Variants in LARGE1 observed in about 807,000 individuals in gnomAD.
LARGE1 encodes LARGE xylosyl- and glucuronyltransferase 1.
In LARGE1, 43 loss-of-function variants were observed where a neutral mutation model predicts 87.6. The observed-to-expected ratio is 0.49, with a 90% CI of 0.38 to 0.63. The LOEUF is 0.63. LARGE1 is among the 30% of genes least tolerant of loss of function. LARGE1 has a pLI of 0.00. For missense variants in LARGE1, 802 were observed against 1,000.2 expected (o/e 0.80, Z 2.67); for synonymous variants, 434 against 394.6 (o/e 1.10, Z -1.18).
exon 12 of LARGE1, chr22:33,166,395 A>G (rs140842922): frequency 1.8e-4 from 39 of 212,674 alleles, no homozygotes; most frequent in African/African-American, 8.4e-4. Context: ...CAATCTTACC[A>G]CAGGGATGTT....
chr22:33,697,713 GTCTT>G (rs776727449), intron 2 of LARGE1, among the ~76,000 whole-genome samples: 1 of 152,186 alleles, frequency 6.6e-6, no homozygotes, highest in Non-Finnish European at 1.5e-5. Context: ...GCGCTGCAGA[GTCTT>G]TCTCTCAACA....
intron 5 of LARGE1, among the ~76,000 whole-genome samples, chr22:33,603,097 G>A (rs1363425132): frequency 6.6e-6 from 1 of 151,884 alleles, no homozygotes; most frequent in African/African-American, 2.4e-5. Flanking sequence ...ATTGGGAATG[G>A]CACGCAAATT....
chr22:33,432,594 T>TGCA (rs1406680648), intron 6 of LARGE1, among the ~76,000 whole-genome samples: 43 of 142,782 alleles, frequency 3.0e-4, no homozygotes, highest in South Asian at 1.1e-3. Flanking sequence ...CATTCATTCA[T>TGCA]TCATGCATGC....
chr22:33,522,213 C>T (rs2071640624), intron 6 of LARGE1, among the ~76,000 whole-genome samples: 1 of 152,208 alleles, frequency 6.6e-6, no homozygotes, highest in African/African-American at 2.4e-5. Flanking sequence ...AGCTGCTGAG[C>T]TACTTGCCAG....
intron 1 of LARGE1, among the ~76,000 whole-genome samples, chr22:33,820,056 C>T (rs906020859): frequency 2.6e-5 from 4 of 152,158 alleles, no homozygotes; most frequent in African/African-American, 4.8e-5. Context: ...GACACCTCCC[C>T]TGCTTTCACT....
chr22:33,465,742 T>C (rs2068580922), intron 6 of LARGE1, among the ~76,000 whole-genome samples: 1 of 152,220 alleles, frequency 6.6e-6, no homozygotes, highest in Non-Finnish European at 1.5e-5. Context: ...GCACTGCTGA[T>C]GTGCCAAGAA....
chr22:33,210,086 C>T (rs1433150773), intron 11 of LARGE1, among the ~76,000 whole-genome samples: 1 of 152,210 alleles, frequency 6.6e-6, no homozygotes, highest in Non-Finnish European at 1.5e-5. Flanking sequence ...TTTTTTAAAG[C>T]TTTCCTGGTA....
rs117903023 is a variant in LARGE1, at chr22:33,611,978, A to C, written c.492-7420T>G. 1.6e-3 allele frequency among the ~76,000 whole-genome samples: 239 copies of C among 152,168 alleles called. 4 individuals carry two copies. In the East Asian group the frequency reaches 0.037, roughly 24 times the overall value. ...TGCCTGCTCCTTTTTTGCCCTTCTG[A>C]CATAAGTAAATGCTCCCTGAGGCCT... On this transcript the variant is annotated intron_variant, in intron 4 of 14. Coordinates refer to ENST00000397394, the MANE Select transcript of LARGE1 (RefSeq NM_133642.5).
chr22:33,846,990 T>G (rs937938765), intron 1 of LARGE1, among the ~76,000 whole-genome samples: 1 of 152,232 alleles, frequency 6.6e-6, no homozygotes, highest in Non-Finnish European at 1.5e-5. Context: ...AAGTACTTCA[T>G]GTCTGTGACC....
intron 11 of LARGE1, among the ~76,000 whole-genome samples, chr22:33,226,557 C>A (rs1309806997): frequency 6.6e-6 from 1 of 152,184 alleles, no homozygotes; most frequent in African/African-American, 2.4e-5. Context: ...CACTTATCTA[C>A]CCAGACAAGA....
chr22:33,237,897 G>A (rs1183110362), intron 11 of LARGE1, among the ~76,000 whole-genome samples: 7 of 152,226 alleles, frequency 4.6e-5, no homozygotes, highest in East Asian at 1.9e-4. Flanking sequence ...CATAACGCAC[G>A]GGAGTACAGT....
At chr22:33,247,649 T>C (rs902446633) in intron 11 of LARGE1, among the ~76,000 whole-genome samples, 8 of 152,248 alleles carry the variant, frequency 5.3e-5, no homozygotes, top group African/African-American at 1.7e-4. Context: ...CAGTGATAAA[T>C]CTATTCTTTT....
At chr22:33,869,446 G>C (rs2064209587) in intron 1 of LARGE1, among the ~76,000 whole-genome samples, 1 of 152,218 alleles carries the variant, frequency 6.6e-6, no homozygotes, top group African/African-American at 2.4e-5. Context: ...CAACCCAGGG[G>C]TCTGAAAAAT....
At chr22:33,654,675 T>A (rs2080911871) in intron 2 of LARGE1, among the ~76,000 whole-genome samples, 1 of 152,222 alleles carries the variant, frequency 6.6e-6, no homozygotes, top group Non-Finnish European at 1.5e-5. Flanking sequence ...TTACAGGCAC[T>A]GGTCCCTCCC....
intron 2 of LARGE1, among the ~76,000 whole-genome samples, chr22:33,652,641 T>TC (rs1160357562): frequency 6.6e-6 from 1 of 152,166 alleles, no homozygotes; most frequent in Non-Finnish European, 1.5e-5. Flanking sequence ...TTTCCATACT[T>TC]CAAGTTTTTC....
intron 11 of LARGE1, among the ~76,000 whole-genome samples, chr22:33,195,452 A>G (rs1031421762): frequency 6.6e-6 from 1 of 152,080 alleles, no homozygotes; most frequent in Non-Finnish European, 1.5e-5. Context: ...GTTTTATTAA[A>G]TTAAAAGATT....
chr22:33,568,377 G>C (rs1396931840), intron 5 of LARGE1, among the ~76,000 whole-genome samples: 1 of 152,144 alleles, frequency 6.6e-6, no homozygotes, highest in East Asian at 1.9e-4. Context: ...ATAAAGTGAG[G>C]GTTACGGCAA....
chr22:33,663,055 A>C (rs240347), intron 2 of LARGE1, among the ~76,000 whole-genome samples: 76,758 of 152,062 alleles, frequency 0.5, 21,359 homozygotes, highest in Middle Eastern at 0.65. Flanking sequence ...AAATGAAAAA[A>C]AAAATCACCT....
intron 2 of LARGE1, among the ~76,000 whole-genome samples, chr22:33,677,952 A>G (rs902587489): frequency 6.6e-6 from 1 of 152,214 alleles, no homozygotes; most frequent in African/African-American, 2.4e-5. Context: ...TCAATTCTTG[A>G]CAGGTGAGCA....
Sources: allele counts gnomAD v4.1 joint callset (sites outside exome capture counted in the v4.1 genomes callset), GRCh38; gene constraint gnomAD v4.1.1; transcripts MANE v1.5; gene names NCBI Gene and HGNC (gene_info 2026-07-23, HGNC 2026-07-21).